The following SPAG17 variants were observed in gnomAD, a reference collection of about 807,000 sequenced individuals.
SPAG17 encodes sperm-associated antigen 17.
In SPAG17, 169 loss-of-function variants were observed where a neutral mutation model predicts 273.6. That is an observed-to-expected ratio of 0.62 (90% confidence interval 0.55 to 0.70). The LOEUF (loss-of-function observed/expected upper bound fraction) is 0.70. SPAG17 is among the 30% of genes least tolerant of loss of function. The pLI is 0.00. For missense variants in SPAG17, 2,557 were observed against 2,627.8 expected (o/e 0.97, Z 0.59); for synonymous variants, 825 against 873.2 (o/e 0.94, Z 0.97).
intron 24 of SPAG17, among the ~76,000 whole-genome samples, chr1:118,033,657 T>G (rs963926333): frequency 6.6e-6 from 1 of 152,230 alleles, no homozygotes; most frequent in African/African-American, 2.4e-5. Flanking sequence ...TGCCACTCAC[T>G]GCCTATGTAG....
chr1:118,067,230 A>T (rs776488285), intron 17 of SPAG17, among the ~76,000 whole-genome samples: 1 of 152,202 alleles, frequency 6.6e-6, no homozygotes, highest in Non-Finnish European at 1.5e-5. Flanking sequence ...CTTGATATAG[A>T]CCATCTAATT....
rs926316690 is a variant in SPAG17, at chr1:117,983,997, T to C, written c.5770-84A>G. 2.4e-5 allele frequency: 15 copies of C among 619,488 alleles called. No homozygotes were observed. In the African/African-American group the frequency reaches 2.6e-4, roughly 11 times the overall value. The allele number at this position is 619,488 out of a possible 1,614,324, so 38.4% of individuals were successfully genotyped here. A position where few individuals can be genotyped will look rare whatever the true frequency, so the allele number is the denominator to read the frequency against. On this transcript the variant is annotated intron_variant, in intron 41 of 48. Transcript: ENST00000336338. Reference sequence around the variant, plus strand: ...AATATGTTAAATTAATAAGCAATAATGAAAACATATTTTTAATGCCCTGAA... The same window carrying C: ...AATATGTTAAATTAATAAGCAATAACGAAAACATATTTTTAATGCCCTGAA...
intron 25 of SPAG17, 108 bp from the exon 26 acceptor site, chr1:118,028,502 G>A: frequency 2.9e-6 from 4 of 1,365,884 alleles, no homozygotes; most frequent in Non-Finnish European, 3.0e-6. Flanking sequence ...GACTTGCACA[G>A]AGCTAGGTGG....
At chr1:117,961,936 C>T (rs1335889665) in intron 48 of SPAG17, 1 of 151,842 alleles carries the variant, frequency 6.6e-6, no homozygotes, top group Non-Finnish European at 1.5e-5. Flanking sequence ...TTTATGAGAA[C>T]AGAAGTTGAT....
chr1:118,130,528 C>T (rs1345023394), intron 3 of SPAG17, among the ~76,000 whole-genome samples: 2 of 152,150 alleles, frequency 1.3e-5, no homozygotes, highest in African/African-American at 4.8e-5. Context: ...GGACAGCTGG[C>T]CACCCTGAGA....
At position 117,955,050 on chromosome 1, in the gene SPAG17, T is replaced by G. The variant is rs549027177; in HGVS notation, c.*1-1001A>C. On this transcript the variant is annotated intron_variant, in intron 48 of 48. Transcript: ENST00000336338. ...TCTCTAATTAGTATTTTATTGCATGTCTCATCACAGTAATTTTGTGAGTCA... is the reference window on the plus strand; with the variant it reads ...TCTCTAATTAGTATTTTATTGCATGGCTCATCACAGTAATTTTGTGAGTCA... The G allele has an allele frequency of 2.6e-4, 107 of 414,898 alleles. 1 individual carries two copies. The highest frequency in any genetic ancestry group is 3.9e-4 in the Non-Finnish European group (92 of 235,256). 25.7% of individuals were successfully genotyped at this position (414,898 alleles called of 1,614,324 possible).
At chr1:118,167,322 ACT>A (rs988061762) in intron 1 of SPAG17, among the ~76,000 whole-genome samples, 3 of 152,096 alleles carry the variant, frequency 2.0e-5, no homozygotes, top group African/African-American at 7.2e-5. Flanking sequence ...TTTTAAGTAG[ACT>A]CAGGTTGTTT....
chr1:118,002,190 G>C (rs1312691881), intron 32 of SPAG17, among the ~76,000 whole-genome samples: 2 of 152,218 alleles, frequency 1.3e-5, no homozygotes, highest in Non-Finnish European at 2.9e-5. Context: ...CTGAGAGACA[G>C]TTTGTTGTGA....
At chr1:117,960,114 G>A (rs1401202466) in intron 48 of SPAG17, 1 of 66,918 alleles carries the variant, frequency 1.5e-5, no homozygotes, top group Non-Finnish European at 4.6e-5. Context: ...ACACTCGTGT[G>A]TGTGTGTGTG....
intron 48 of SPAG17, chr1:117,960,108 T>TTGTG (rs1557833932): frequency 8.3e-5 from 8 of 96,010 alleles, no homozygotes; most frequent in South Asian, 7.8e-4. Flanking sequence ...ATTAATACAC[T>TTGTG]CGTGTGTGTG....
At chr1:118,100,886 T>C (rs1011226206) in intron 5 of SPAG17, among the ~76,000 whole-genome samples, 1 of 151,630 alleles carries the variant, frequency 6.6e-6, no homozygotes, top group Non-Finnish European at 1.5e-5. Context: ...TGTGGGGGAG[T>C]TGGGGTAGGA....
intron 27 of SPAG17, 128 bp from the exon 28 acceptor site, chr1:118,023,591 C>A: frequency 1.4e-6 from 1 of 735,894 alleles, no homozygotes; most frequent in Non-Finnish European, 2.1e-6. Flanking sequence ...TGCAGACCTC[C>A]AGACCCAGCA....
chr1:118,093,260 C>G lies in SPAG17; in HGVS notation c.1069G>C (p.Asp357His), dbSNP rs183758503. ...NIACLMYDIL[D>H]WKRQHQHYLE... Reference sequence around the variant, plus strand: ...TAGTGCTGGTGCTGCCTTTTCCAATCCAGGATGTCATACATCAAGCAGGCA... The same window carrying G: ...TAGTGCTGGTGCTGCCTTTTCCAATGCAGGATGTCATACATCAAGCAGGCA... Residue 357 changes from aspartate to histidine, a missense_variant, in exon 8 of 49, where the codon GAT (aspartate) becomes CAT (histidine). Coordinates refer to ENST00000336338, the MANE Select transcript of SPAG17 (RefSeq NM_206996.4). 3.8e-5 allele frequency: 62 copies of G among 1,613,530 alleles called. No individual in the cohort carries two copies. In the Admixed American group the frequency reaches 1.0e-3, roughly 27 times the overall value.
intron 3 of SPAG17, among the ~76,000 whole-genome samples, chr1:118,125,194 A>AT (rs1156477917): frequency 6.6e-6 from 1 of 151,294 alleles, no homozygotes; most frequent in African/African-American, 2.4e-5. Context: ...GCACATATCA[A>AT]TTTTTTAAAA....
At chr1:118,005,657 G>A (rs1658803649) in intron 31 of SPAG17, 55 bp from the exon 32 acceptor site, 2 of 1,302,012 alleles carry the variant, frequency 1.5e-6, no homozygotes, top group Non-Finnish European at 2.0e-6. Context: ...TAAATATGTG[G>A]GACTTGGAAA....
At chr1:118,000,966 A>G (rs1658215140) in intron 32 of SPAG17, among the ~76,000 whole-genome samples, 1 of 152,120 alleles carries the variant, frequency 6.6e-6, no homozygotes, top group African/African-American at 2.4e-5. Context: ...GTTTGTCATA[A>G]ATAGCTCTTA....
chr1:118,089,501 T>C (rs1256437258), intron 10 of SPAG17, among the ~76,000 whole-genome samples: 1 of 152,042 alleles, frequency 6.6e-6, no homozygotes, highest in East Asian at 1.9e-4. Flanking sequence ...ACAAGTATGA[T>C]AAAATCATAC....
At chr1:118,137,265 G>T (rs548944665) in intron 3 of SPAG17, among the ~76,000 whole-genome samples, 7 of 152,268 alleles carry the variant, frequency 4.6e-5, no homozygotes, top group African/African-American at 1.7e-4. Flanking sequence ...AAAATAATTT[G>T]GTGATTCATT....
chr1:117,994,999 G>A (rs1044027898), intron 34 of SPAG17, among the ~76,000 whole-genome samples: 2 of 151,984 alleles, frequency 1.3e-5, no homozygotes, highest in Admixed American at 6.6e-5. Context: ...CCTTCACATC[G>A]CTCATGAGAT....
Sources: allele counts gnomAD v4.1 joint callset (sites outside exome capture counted in the v4.1 genomes callset), GRCh38; gene constraint gnomAD v4.1.1; transcripts MANE v1.5; gene names NCBI Gene and HGNC (gene_info 2026-07-23, HGNC 2026-07-21).